Variants in ATXN3 observed in about 807,000 individuals in gnomAD.
The protein encoded by ATXN3 is ataxin-3.
Under a neutral mutation model 58.2 loss-of-function variants are expected in ATXN3, and 28 were observed. That is an observed-to-expected ratio of 0.48 (90% CI 0.36 to 0.66). ATXN3 has a LOEUF of 0.66. Ranked by LOEUF, ATXN3 falls within the 30% of genes least tolerant of loss-of-function variation. The pLI is 0.00. For missense variants in ATXN3, 321 were observed against 422.1 expected, an observed-to-expected ratio of 0.76 and a Z score of 2.10; for synonymous variants, 113 against 138.5, an observed-to-expected ratio of 0.82 and a Z score of 1.29.
intron 6 of ATXN3, 59 bp from the exon 7 acceptor site, chr14:92,083,317 T>A: frequency 6.7e-7 from 1 of 1,490,168 alleles, no homozygotes; most frequent in Non-Finnish European, 9.1e-7. Context: ...AAAATTGATG[T>A]AAAACACTAG....
Position 92,064,415 on chromosome 14 carries a change from C to T in ATXN3, c.992-1G>A, listed in dbSNP as rs1418773070. On this transcript the variant is annotated splice_acceptor_variant, in intron 10 of 10. Transcript: ENST00000644486. LOFTEE classifies it high-confidence loss of function. The stretch of plus-strand genomic sequence containing the variant: ...ATGTCTTCTTCACTCATAGCATCAC[C>T]TGTTGGGAAACAAAACCACATTTCT... 1 of 1,600,366 alleles carries T rather than the reference C, an allele frequency of 6.2e-7. No homozygotes were observed. Among genetic ancestry groups the T allele is most frequent in the Non-Finnish European group, 8.5e-7 (1 of 1,172,404 alleles).
At chr14:92,066,600 T>G (rs2058452922) in intron 10 of ATXN3, among the ~76,000 whole-genome samples, 1 of 105,698 alleles carries the variant, frequency 9.5e-6, no homozygotes, top group South Asian at 3.5e-4. Context: ...GTTTTTTTCT[T>G]GTTTTTTTTT....
At chr14:92,051,666 G>A (rs1471281840), upstream of ATXN3, among the ~76,000 whole-genome samples, 1 of 98,046 alleles carries the variant, frequency 1.0e-5, no homozygotes, top group Non-Finnish European at 2.1e-5. Context: ...AGTGATGAAT[G>A]TCTCCTCTCT....
intron 10 of ATXN3, among the ~76,000 whole-genome samples, chr14:92,068,161 T>C (rs1889332096): frequency 6.6e-6 from 1 of 152,130 alleles, no homozygotes; most frequent in African/African-American, 2.4e-5. Flanking sequence ...ACTGACACCA[T>C]GTGAAAGGAG....
chr14:92,075,160 T>G (rs2060130333), intron 9 of ATXN3, among the ~76,000 whole-genome samples: 1 of 51,928 alleles, frequency 1.9e-5, no homozygotes, highest in Admixed American at 1.3e-4. Flanking sequence ...TAGGGAGTTT[T>G]TTTTTTTTTT....
chr14:92,072,730 G>A (rs1045337654), intron 9 of ATXN3, among the ~76,000 whole-genome samples: 3 of 143,670 alleles, frequency 2.1e-5, no homozygotes, highest in Admixed American at 6.9e-5. Context: ...ATTGCTTCTC[G>A]GTCTTTTGGC....
intron 10 of ATXN3, among the ~76,000 whole-genome samples, chr14:92,068,383 T>A (rs1397320489): frequency 1.3e-5 from 2 of 152,190 alleles, no homozygotes; most frequent in African/African-American, 2.4e-5. Flanking sequence ...TCTAAAGGTT[T>A]TTATCTTGCT....
intron 10 of ATXN3, chr14:92,070,611 A>C (rs2140351988): frequency 3.2e-6 from 2 of 630,288 alleles, no homozygotes; most frequent in South Asian, 4.8e-5. Context: ...TGTCTAAGGA[A>C]TTTTTGGAGA....
intron 2 of ATXN3, among the ~76,000 whole-genome samples, chr14:92,046,508 T>C (rs1454174881): frequency 2.6e-5 from 4 of 152,156 alleles, no homozygotes; most frequent in Non-Finnish European, 5.9e-5. Flanking sequence ...TCCTGGCTCT[T>C]GTGTAAGAAT....
chr14:92,093,211 C>T, intron 5 of ATXN3, 41 bp downstream of exon 5: 1 of 1,353,780 alleles, frequency 7.4e-7, no homozygotes, highest in Non-Finnish European at 1.0e-6. Flanking sequence ...AAATGGGGTA[C>T]AATATAAGAA....
intron 1 of ATXN3, among the ~76,000 whole-genome samples, chr14:92,098,696 G>A (rs2065984757): frequency 6.6e-6 from 1 of 152,162 alleles, no homozygotes; most frequent in African/African-American, 2.4e-5. Flanking sequence ...GTTAAAACTT[G>A]CAGTTACAGT....
chr14:92,083,824 C>A (rs1426384555), intron 6 of ATXN3, among the ~76,000 whole-genome samples: 1 of 152,066 alleles, frequency 6.6e-6, no homozygotes, highest in Non-Finnish European at 1.5e-5. Flanking sequence ...AGAGGTAGAC[C>A]CACCCTCAAA....
chr14:92,096,971 T>G (rs534400789), intron 1 of ATXN3, 133 bp from the exon 2 acceptor site: 38 of 740,958 alleles, frequency 5.1e-5, no homozygotes, highest in East Asian at 3.3e-4. Flanking sequence ...GCAGTGGCGC[T>G]ATCTTGGCTC....
upstream of ATXN3, among the ~76,000 whole-genome samples, chr14:92,051,633 T>TTTTAA (rs2057447934): frequency 6.6e-6 from 1 of 150,746 alleles, no homozygotes; most frequent in Admixed American, 6.6e-5. Flanking sequence ...CTGCGATTTA[T>TTTTAA]TTTAATTTTT....
At position 92,069,665 on chromosome 14, in the gene ATXN3, C is replaced by A. The variant is rs889274059; in HGVS notation, c.991+1270G>T. 6.0e-4 allele frequency among the ~76,000 whole-genome samples: 91 copies of A among 152,138 alleles called. 1 individual carries two copies. Among genetic ancestry groups the A allele is most frequent in the Non-Finnish European group, 5.4e-4 (37 of 68,018 alleles). Reference sequence around the variant, plus strand: ...GGGATTATAGGCATGGGCCACCATGCCTGGTCAGCTATAAGCATTTGATAT... The same window carrying A: ...GGGATTATAGGCATGGGCCACCATGACTGGTCAGCTATAAGCATTTGATAT... On this transcript the variant is annotated intron_variant, in intron 10 of 10. Coordinates refer to ENST00000644486, the MANE Select transcript of ATXN3 (RefSeq NM_004993.6).
intron 1 of ATXN3, among the ~76,000 whole-genome samples, chr14:92,099,397 G>GT (rs1434602789): frequency 1.3e-5 from 2 of 152,196 alleles, no homozygotes; most frequent in Non-Finnish European, 2.9e-5. Flanking sequence ...TCAACTTTTC[G>GT]TAAGGAATAA....
chr14:92,064,473 A>G, intron 10 of ATXN3, 59 bp from the exon 11 acceptor site: 7 of 1,254,812 alleles, frequency 5.6e-6, no homozygotes, highest in Non-Finnish European at 8.0e-6. Context: ...AAAGTCATCA[A>G]AAGGCAAGTT....
chr14:92,070,763 TTTG>T, intron 10 of ATXN3, 169 bp downstream of exon 10: 4 of 1,345,710 alleles, frequency 3.0e-6, no homozygotes, highest in East Asian at 2.7e-5. Context: ...TTTTTTTTCT[TTTG>T]GTAACTGCTC....
At position 92,064,174 on chromosome 14, in the gene ATXN3, T is replaced by C. The variant is rs558382743; in HGVS notation, c.*146A>G. The C allele has an allele frequency of 2.2e-5, 12 of 544,870 alleles. No individual in the cohort carries two copies. The African/African-American group carries it at 2.3e-4, about 10-fold the overall frequency. 33.8% of individuals were successfully genotyped at this position (544,870 alleles called of 1,614,324 possible). ...TTATTTAGTCCTACAACCGACGCAT[T>C]GTTCCACTTTCCCATCATTTTGTTT... On this transcript the variant is annotated 3_prime_UTR_variant, in exon 11 of 11. Coordinates refer to ENST00000644486, the MANE Select transcript of ATXN3 (RefSeq NM_004993.6).
Sources: allele counts gnomAD v4.1 joint callset (sites outside exome capture counted in the v4.1 genomes callset), GRCh38; gene constraint gnomAD v4.1.1; transcripts MANE v1.5; gene names NCBI Gene and HGNC (gene_info 2026-07-23, HGNC 2026-07-21).